The following SUMF1 variants were observed in gnomAD, a reference collection of about 807,000 sequenced individuals.
SUMF1 encodes the protein sulfatase modifying factor 1.
In SUMF1, 48 loss-of-function variants were observed where a neutral mutation model predicts 47.6. The observed-to-expected ratio is 1.01, with a 90% CI of 0.80 to 1.28. The LOEUF is 1.28. SUMF1 is among the 50% of genes most tolerant of loss of function. The pLI, the probability that SUMF1 is intolerant of heterozygous loss-of-function variation, is 0.00. For missense variants in SUMF1, 571 were observed against 485.4 expected (o/e 1.18, Z -1.66); for synonymous variants, 230 against 192.1 (o/e 1.20, Z -1.63).
chr3:4,150,243 G>T (rs1326172018), intron 8 of SUMF1, among the ~76,000 whole-genome samples: 1 of 147,484 alleles, frequency 6.8e-6, no homozygotes, highest in African/African-American at 2.7e-5. Context: ...GCAGGGGTGT[G>T]CCACCATACT....
At chr3:4,170,423 C>T (rs1302028387) in intron 8 of SUMF1, among the ~76,000 whole-genome samples, 1 of 152,176 alleles carries the variant, frequency 6.6e-6, no homozygotes, top group African/African-American at 2.4e-5. Flanking sequence ...AATGGCCACA[C>T]TTTGAGAACT....
intron 8 of SUMF1, among the ~76,000 whole-genome samples, chr3:4,281,153 G>A (rs1328137545): frequency 6.6e-6 from 1 of 152,128 alleles, no homozygotes; most frequent in African/African-American, 2.4e-5. Flanking sequence ...CAGATAAGAA[G>A]AGCATGGTGA....
chr3:4,338,911 C>T (rs541539632), intron 8 of SUMF1, among the ~76,000 whole-genome samples: 1 of 152,086 alleles, frequency 6.6e-6, no homozygotes, highest in Non-Finnish European at 1.5e-5. Flanking sequence ...ACTGTAAGAT[C>T]CTGGCGGACT....
At chr3:4,394,593 G>A (rs924363425) in intron 7 of SUMF1, among the ~76,000 whole-genome samples, 5 of 152,200 alleles carry the variant, frequency 3.3e-5, no homozygotes, top group African/African-American at 1.2e-4. Flanking sequence ...TGGCTAGACT[G>A]AACCTCATTT....
intron 7 of SUMF1, among the ~76,000 whole-genome samples, chr3:4,410,316 C>T (rs1701500651): frequency 6.6e-6 from 1 of 152,162 alleles, no homozygotes; most frequent in African/African-American, 2.4e-5. Flanking sequence ...AACATGGTTG[C>T]CTTCTGTTCC....
chr3:4,404,760 G>A (rs531290586), intron 7 of SUMF1, among the ~76,000 whole-genome samples: 15 of 152,038 alleles, frequency 9.9e-5, no homozygotes, highest in Non-Finnish European at 1.5e-4. Flanking sequence ...ACGAAACTCC[G>A]TCTCAAAAAC....
intron 8 of SUMF1, among the ~76,000 whole-genome samples, chr3:4,084,462 G>A (rs1168893122): frequency 8.5e-5 from 13 of 152,100 alleles, no homozygotes; most frequent in Non-Finnish European, 1.5e-5. Flanking sequence ...CTCTGCTCTA[G>A]AGAATCTGCT....
chr3:4,105,017 T>C (rs1243589987), intron 8 of SUMF1, among the ~76,000 whole-genome samples: 4 of 152,166 alleles, frequency 2.6e-5, no homozygotes, highest in Admixed American at 6.5e-5. Flanking sequence ...AAATGTGGTA[T>C]ACATACACAA....
intron 8 of SUMF1, among the ~76,000 whole-genome samples, chr3:4,130,490 T>A (rs577213563): frequency 2.0e-5 from 3 of 152,170 alleles, no homozygotes; most frequent in Non-Finnish European, 2.9e-5. Context: ...CAGTGGACCA[T>A]TACACTGATG....
At chr3:4,458,492 C>T (rs978148845) in intron 1 of SUMF1, among the ~76,000 whole-genome samples, 1 of 152,120 alleles carries the variant, frequency 6.6e-6, no homozygotes, top group African/African-American at 2.4e-5. Flanking sequence ...TGTCCCTTAT[C>T]ATATAAATGG....
chr3:4,067,444 C>T (rs574912948), intron 9 of SUMF1, among the ~76,000 whole-genome samples: 1 of 152,304 alleles, frequency 6.6e-6, no homozygotes, highest in Non-Finnish European at 1.5e-5. Context: ...TAAGTAGCTG[C>T]TTCTAGATGA....
chr3:4,075,840 G>A (rs569789376), intron 8 of SUMF1, among the ~76,000 whole-genome samples: 5 of 152,132 alleles, frequency 3.3e-5, no homozygotes, highest in East Asian at 3.9e-4. Flanking sequence ...AATAAAAGAG[G>A]ACACAAACAA....
intron 8 of SUMF1, among the ~76,000 whole-genome samples, chr3:4,332,165 G>A (rs1460002706): frequency 6.6e-6 from 1 of 152,108 alleles, no homozygotes; most frequent in Non-Finnish European, 1.5e-5. Context: ...TATTTTGGTA[G>A]TGAAACATCA....
intron 8 of SUMF1, chr3:4,314,057 T>C: frequency 2.0e-6 from 1 of 497,430 alleles, no homozygotes; most frequent in Non-Finnish European, 3.6e-6. Context: ...TCACCTCCTC[T>C]TTCTTCCTGC....
At chr3:4,418,428 C>T (rs955952527) in intron 4 of SUMF1, among the ~76,000 whole-genome samples, 1 of 152,202 alleles carries the variant, frequency 6.6e-6, no homozygotes, top group Admixed American at 6.5e-5. Flanking sequence ...GGAGATACTC[C>T]AGCTGCTAGG....
intron 8 of SUMF1, among the ~76,000 whole-genome samples, chr3:4,259,901 C>G (rs186081689): frequency 2.6e-5 from 4 of 151,476 alleles, no homozygotes; most frequent in African/African-American, 9.7e-5. Context: ...TTTTAACCAA[C>G]GGAGATAATA....
At chr3:4,064,316 A>C (rs1007874296) in intron 9 of SUMF1, among the ~76,000 whole-genome samples, 5 of 152,192 alleles carry the variant, frequency 3.3e-5, no homozygotes, top group African/African-American at 1.2e-4. Flanking sequence ...ATGCGTTAGC[A>C]TGCTAAAAAA....
intron 8 of SUMF1, among the ~76,000 whole-genome samples, chr3:4,135,245 T>A (rs1326216966): frequency 6.6e-6 from 1 of 152,102 alleles, no homozygotes; most frequent in African/African-American, 2.4e-5. Flanking sequence ...GCAAAGTGAA[T>A]CCAGCAGCAC....
chr3:4,152,705 G>A (rs534135700), intron 8 of SUMF1, among the ~76,000 whole-genome samples: 9 of 151,412 alleles, frequency 5.9e-5, no homozygotes, highest in Non-Finnish European at 1.2e-4. Flanking sequence ...GTCTACACTT[G>A]GCTAGACCAA....
Sources: allele counts gnomAD v4.1 joint callset (sites outside exome capture counted in the v4.1 genomes callset), GRCh38; gene constraint gnomAD v4.1.1; transcripts MANE v1.5; gene names NCBI Gene and HGNC (gene_info 2026-07-23, HGNC 2026-07-21).